Variants in FER observed in about 807,000 individuals in gnomAD.
FER encodes the protein tyrosine-protein kinase Fer.
Under a neutral mutation model 111.0 loss-of-function variants are expected in FER, and 63 were observed. The ratio of observed to expected loss-of-function variants is 0.57; its 90% confidence interval spans 0.46 to 0.70. The LOEUF is 0.70. Ranked by LOEUF, FER falls within the 30% of genes least tolerant of loss-of-function variation. The pLI, the probability that FER is intolerant of heterozygous loss-of-function variation, is 0.00. For missense variants in FER, 914 were observed against 954.0 expected (o/e 0.96, Z 0.55); for synonymous variants, 327 against 313.9 (o/e 1.04, Z -0.44).
intron 13 of FER, among the ~76,000 whole-genome samples, chr5:109,033,639 A>C (rs1769953388): frequency 6.6e-6 from 1 of 152,110 alleles, no homozygotes; most frequent in Non-Finnish European, 1.5e-5. Flanking sequence ...CTTCTTAGGA[A>C]TATTCCATTT....
intron 13 of FER, among the ~76,000 whole-genome samples, chr5:109,021,221 C>A (rs60584949): frequency 0.19 from 28,197 of 151,748 alleles, 2,777 homozygotes; most frequent in Non-Finnish European, 0.22. Context: ...AGATTTTAGC[C>A]GGTGTGCTTA....
At chr5:108,948,571 G>A (rs906989834) in intron 11 of FER, among the ~76,000 whole-genome samples, 8 of 151,970 alleles carry the variant, frequency 5.3e-5, no homozygotes, top group African/African-American at 1.9e-4. Flanking sequence ...TGAAGCCAAG[G>A]CCTAGAGATG....
At chr5:109,183,826 G>A (rs527570140) in intron 18 of FER, among the ~76,000 whole-genome samples, 2 of 152,186 alleles carry the variant, frequency 1.3e-5, no homozygotes, top group African/African-American at 4.8e-5. Context: ...CATAAGTGTT[G>A]TTTTTGTATA....
intron 17 of FER, among the ~76,000 whole-genome samples, chr5:109,115,985 G>A (rs751001789): frequency 6.6e-6 from 1 of 151,946 alleles, no homozygotes; most frequent in Non-Finnish European, 1.5e-5. Context: ...AAGAAGATGT[G>A]AGACATACAC....
intron 10 of FER, among the ~76,000 whole-genome samples, chr5:108,899,671 G>A (rs920200729): frequency 3.3e-5 from 5 of 151,996 alleles, no homozygotes; most frequent in African/African-American, 1.2e-4. Context: ...GGGTGTGGTG[G>A]TGTGTGCCTG....
At chr5:109,180,954 T>C in intron 18 of FER, 53 bp downstream of exon 18, 2 of 1,479,816 alleles carry the variant, frequency 1.4e-6, no homozygotes, top group African/African-American at 2.9e-5. Flanking sequence ...GGCATCAGCA[T>C]AAAACATTCA....
At chr5:109,157,332 C>A (rs1199768984) in intron 17 of FER, among the ~76,000 whole-genome samples, 1 of 152,010 alleles carries the variant, frequency 6.6e-6, no homozygotes, top group East Asian at 1.9e-4. Context: ...CTTTAAAATG[C>A]AATTTACTGC....
At chr5:109,067,939 G>T (rs1193867244) in intron 16 of FER, among the ~76,000 whole-genome samples, 1 of 152,082 alleles carries the variant, frequency 6.6e-6, no homozygotes, top group Non-Finnish European at 1.5e-5. Flanking sequence ...TATAGGAGAT[G>T]AGTTTACAAA....
Position 108,941,583 on chromosome 5 carries a change from A to T in FER, c.1237-4547A>T, listed in dbSNP as rs543198467. Among the ~76,000 whole-genome samples, 6 of 152,280 alleles carry T rather than the reference A, an allele frequency of 3.9e-5. No individual in the cohort carries two copies. In the East Asian group the frequency reaches 1.2e-3, roughly 29 times the overall value. ...TAGAAAAATTTACTGTTGTATCGTT[A>T]TGTCCCTAAATTGTATTAAAAGCAG... On this transcript the variant is annotated intron_variant, in intron 10 of 19. Coordinates refer to ENST00000281092, the MANE Select transcript of FER (RefSeq NM_005246.4).
chr5:108,986,963 T>G (rs995832110), intron 13 of FER, among the ~76,000 whole-genome samples: 10 of 152,174 alleles, frequency 6.6e-5, no homozygotes, highest in Non-Finnish European at 1.2e-4. Flanking sequence ...TAGGATTTTT[T>G]TTTTCTAGTT....
chr5:108,758,069 C>T (rs1315605775), intron 1 of FER, among the ~76,000 whole-genome samples: 1 of 152,110 alleles, frequency 6.6e-6, no homozygotes, highest in Non-Finnish European at 1.5e-5. Context: ...CTTCAATCTA[C>T]ATTATAAAAA....
intron 10 of FER, among the ~76,000 whole-genome samples, chr5:108,938,669 T>C (rs1384351393): frequency 1.3e-5 from 2 of 151,826 alleles, no homozygotes; most frequent in African/African-American, 4.8e-5. Context: ...GAAGAGAAGA[T>C]GATTGATTGG....
intron 17 of FER, among the ~76,000 whole-genome samples, chr5:109,117,798 G>A (rs891414470): frequency 1.3e-5 from 2 of 151,302 alleles, no homozygotes; most frequent in African/African-American, 2.4e-5. Context: ...CTCATGATTT[G>A]GCTCTCTGTT....
intron 2 of FER, chr5:108,785,029 G>T: frequency 2.8e-6 from 1 of 353,460 alleles, no homozygotes; most frequent in Non-Finnish European, 5.5e-6. Context: ...CAGATACACT[G>T]TCTAGTATGA....
chr5:109,159,952 T>G (rs373174866), intron 17 of FER, among the ~76,000 whole-genome samples: 4 of 151,602 alleles, frequency 2.6e-5, no homozygotes, highest in African/African-American at 9.7e-5. Flanking sequence ...GTTATTAAAG[T>G]GACAAAGAGA....
chr5:109,003,957 G>A (rs529130677), intron 13 of FER, among the ~76,000 whole-genome samples: 1 of 152,314 alleles, frequency 6.6e-6, no homozygotes, highest in South Asian at 2.1e-4. Flanking sequence ...TTCAGCCTGG[G>A]CGACGGTGTA....
chr5:109,119,531 G>C (rs934255738), intron 17 of FER, among the ~76,000 whole-genome samples: 3 of 152,078 alleles, frequency 2.0e-5, no homozygotes, highest in Non-Finnish European at 4.4e-5. Context: ...AGGTCTTCTT[G>C]GTGCAGAGCT....
intron 5 of FER, among the ~76,000 whole-genome samples, chr5:108,839,371 T>G (rs1761003811): frequency 6.6e-6 from 1 of 152,096 alleles, no homozygotes. Flanking sequence ...GGAACCAAGT[T>G]AGTCCAGGTA....
rs563496641 is a variant in FER at position 109,053,777 on chromosome 5, G to A, written c.1924+6579G>A. 1.8e-4 allele frequency among the ~76,000 whole-genome samples: 26 copies of A among 142,812 alleles called. No homozygotes were observed. The East Asian group carries it at 4.8e-3, about 27-fold the overall frequency. The allele number at this position is 142,812 out of a possible 152,430, so 93.7% of individuals were successfully genotyped here. The stretch of plus-strand genomic sequence containing the variant: ...GCGATCTTGGCTCACTGCAAGCTCC[G>A]CCTCCTGGGTTCACGCCATTCTCCT... On this transcript the variant is annotated intron_variant, in intron 16 of 19. Transcript: ENST00000281092.
Sources: allele counts gnomAD v4.1 joint callset (sites outside exome capture counted in the v4.1 genomes callset), GRCh38; gene constraint gnomAD v4.1.1; transcripts MANE v1.5; gene names NCBI Gene and HGNC (gene_info 2026-07-23, HGNC 2026-07-21).